The following DCLK1 variants were observed in gnomAD, a reference collection of about 807,000 sequenced individuals.
DCLK1 encodes the protein doublecortin like kinase 1.
DCLK1 carries 16 observed loss-of-function variants against 86.2 expected under a neutral mutation model. That is an observed-to-expected ratio of 0.19 (90% CI 0.13 to 0.28). The LOEUF is 0.28. Ranked by LOEUF, DCLK1 falls within the 10% of genes least tolerant of loss-of-function variation. The pLI is 1.00. For missense variants in DCLK1, 590 were observed against 940.2 expected (o/e 0.63, Z 4.87); for synonymous variants, 369 against 370.5 (o/e 1.00, Z 0.05).
chr13:35,832,304 A>C (rs1182315285), intron 8 of DCLK1, among the ~76,000 whole-genome samples: 3 of 152,132 alleles, frequency 2.0e-5, no homozygotes, highest in African/African-American at 7.2e-5. Flanking sequence ...TGTGTCAAAA[A>C]AAGGTGGTGG....
intron 11 of DCLK1, among the ~76,000 whole-genome samples, chr13:35,812,522 C>T (rs1432749386): frequency 2.0e-5 from 3 of 152,196 alleles, no homozygotes; most frequent in Non-Finnish European, 2.9e-5. Context: ...GTCTGCCTTC[C>T]TTTGGAAAAA....
chr13:35,966,612 C>T (rs1381812151), intron 3 of DCLK1, among the ~76,000 whole-genome samples: 1 of 151,146 alleles, frequency 6.6e-6, no homozygotes, highest in Non-Finnish European at 1.5e-5. Context: ...CTGCCTGATT[C>T]TCCTGCCTCA....
chr13:35,942,032 T>C (rs1174912072), intron 4 of DCLK1, among the ~76,000 whole-genome samples: 2 of 152,292 alleles, frequency 1.3e-5, no homozygotes, highest in East Asian at 1.9e-4. Flanking sequence ...TTTTTGTTTA[T>C]ATGAATTAAA....
At chr13:35,850,629 C>G (rs1383968986) in intron 6 of DCLK1, 1 of 1,372,010 alleles carries the variant, frequency 7.3e-7, no homozygotes, top group Non-Finnish European at 9.5e-7. Flanking sequence ...GTATGCAAAA[C>G]TCTTTTGTGT....
At chr13:35,933,254 C>A (rs1035893045) in intron 4 of DCLK1, among the ~76,000 whole-genome samples, 1 of 152,236 alleles carries the variant, frequency 6.6e-6, no homozygotes, top group African/African-American at 2.4e-5. Flanking sequence ...CAGCTGCTTT[C>A]ACAGACTGGC....
chr13:35,796,911 C>T (rs989620273), intron 15 of DCLK1, among the ~76,000 whole-genome samples: 1 of 152,300 alleles, frequency 6.6e-6, no homozygotes, highest in Admixed American at 6.5e-5. Context: ...TTGGACACGA[C>T]TTAATGGAGC....
chr13:35,871,124 A>C, intron 5 of DCLK1, 100 bp downstream of exon 5: 1 of 940,280 alleles, frequency 1.1e-6, no homozygotes, highest in Non-Finnish European at 1.6e-6. Context: ...ACCGGAACCT[A>C]CACTCGCTTA....
At chr13:35,901,495 A>AAAAG (rs1874362297) in intron 4 of DCLK1, among the ~76,000 whole-genome samples, 2 of 137,790 alleles carry the variant, frequency 1.5e-5, no homozygotes, top group African/African-American at 6.6e-5. Flanking sequence ...CTGTCTCAAA[A>AAAAG]AAAAAAAAAA....
intron 16 of DCLK1, among the ~76,000 whole-genome samples, chr13:35,775,889 A>C (rs148414187): frequency 6.6e-5 from 10 of 152,198 alleles, no homozygotes; most frequent in Non-Finnish European, 1.0e-4. Flanking sequence ...GATCTAAAAT[A>C]GGCCAATCAA....
chr13:36,044,249 A>G (rs1882795700), intron 3 of DCLK1, among the ~76,000 whole-genome samples: 1 of 152,214 alleles, frequency 6.6e-6, no homozygotes, highest in African/African-American at 2.4e-5. Flanking sequence ...CCTCTTGTAC[A>G]GCCTGCAAAA....
chr13:35,778,548 T>C (rs1329659252), intron 16 of DCLK1, among the ~76,000 whole-genome samples: 1 of 152,190 alleles, frequency 6.6e-6, no homozygotes, highest in East Asian at 1.9e-4. Flanking sequence ...CTGAGTTTAC[T>C]GCATTCCCCA....
intron 16 of DCLK1, among the ~76,000 whole-genome samples, chr13:35,791,666 G>A (rs1050449212): frequency 1.3e-5 from 2 of 152,010 alleles, no homozygotes; most frequent in Non-Finnish European, 2.9e-5. Flanking sequence ...GTCATTGTAA[G>A]ACTCCTAGAA....
chr13:36,021,056 T>C (rs1426173811), intron 3 of DCLK1, among the ~76,000 whole-genome samples: 1 of 152,104 alleles, frequency 6.6e-6, no homozygotes, highest in Non-Finnish European at 1.5e-5. Context: ...AAAGCTACAA[T>C]TATAACACCG....
chr13:35,797,478 G>GC (rs2086835671), intron 15 of DCLK1, among the ~76,000 whole-genome samples: 1 of 152,132 alleles, frequency 6.6e-6, no homozygotes, highest in Admixed American at 6.5e-5. Context: ...GGAGGTGAAG[G>GC]CCTCCAGCTT....
intron 4 of DCLK1, among the ~76,000 whole-genome samples, chr13:35,926,097 C>T (rs982134685): frequency 1.3e-5 from 2 of 150,004 alleles, no homozygotes; most frequent in Non-Finnish European, 2.9e-5. Flanking sequence ...CTCACTTTGT[C>T]GCCCAGGCTG....
rs140084477 is a variant in DCLK1 at position 35,850,643 on chromosome 13, T to C, written c.1035+3856A>G. On this transcript the variant is annotated intron_variant, in intron 6 of 16. Coordinates refer to ENST00000360631, the MANE Select transcript of DCLK1 (RefSeq NM_001330071.2). Reference sequence around the variant, plus strand: ...GGTATGCAAAACTCTTTTGTGTATTTTGCTGTAAGACTTTTGCTTCAGAAA... The same window carrying C: ...GGTATGCAAAACTCTTTTGTGTATTCTGCTGTAAGACTTTTGCTTCAGAAA... The C allele has an allele frequency of 1.2e-3, 1,633 of 1,418,402 alleles. 13 individuals carry two copies. In the African/African-American group the frequency reaches 0.012, roughly 10 times the overall value. 87.9% of individuals were successfully genotyped at this position (1,418,402 alleles called of 1,614,324 possible). A position where few individuals can be genotyped will look rare whatever the true frequency, so the allele number is the denominator to read the frequency against.
intron 4 of DCLK1, among the ~76,000 whole-genome samples, chr13:35,900,962 C>T (rs572722510): frequency 1.3e-5 from 2 of 152,206 alleles, no homozygotes; most frequent in East Asian, 1.9e-4. Flanking sequence ...AAATTAAACT[C>T]AGCGAAAGGA....
At chr13:35,849,835 G>A in intron 6 of DCLK1, 1 of 983,156 alleles carries the variant, frequency 1.0e-6, no homozygotes, top group Non-Finnish European at 1.2e-6. Context: ...CTTGGAAAAA[G>A]TCCAGACACA....
intron 2 of DCLK1, among the ~76,000 whole-genome samples, chr13:36,115,242 C>T (rs976633317): frequency 2.1e-4 from 32 of 152,070 alleles, no homozygotes; most frequent in Non-Finnish European, 4.3e-4. Context: ...TAGTATACTT[C>T]CTCTTACATA....
Sources: allele counts gnomAD v4.1 joint callset (sites outside exome capture counted in the v4.1 genomes callset), GRCh38; gene constraint gnomAD v4.1.1; transcripts MANE v1.5; gene names NCBI Gene and HGNC (gene_info 2026-07-23, HGNC 2026-07-21).